The following OSBPL3 variants were observed in gnomAD, a reference collection of about 807,000 sequenced individuals.
The protein encoded by OSBPL3 is oxysterol binding protein like 3.
OSBPL3 carries 65 observed loss-of-function variants against 120.1 expected under a neutral mutation model. The ratio of observed to expected loss-of-function variants is 0.54; its 90% CI spans 0.44 to 0.67. The LOEUF (loss-of-function observed/expected upper bound fraction) is 0.67, where lower values mean the gene tolerates loss of function less well. OSBPL3 is among the 30% of genes least tolerant of loss of function. OSBPL3 has a pLI of 0.00. For missense variants in OSBPL3, 1,004 were observed against 1,082.1 expected, an observed-to-expected ratio of 0.93 and a Z score of 1.01; for synonymous variants, 416 against 402.6, an observed-to-expected ratio of 1.03 and a Z score of -0.40.
At position 24,809,927 on chromosome 7, in the gene OSBPL3, G is replaced by C. The variant is rs758979418; in HGVS notation, c.2197C>G (p.His733Asp). The C allele has an allele frequency of 6.8e-6, 11 of 1,614,094 alleles. No homozygotes were observed. The East Asian group carries it at 2.5e-4, about 36-fold the overall frequency. The change falls in exon 20 of 23, where the codon CAT becomes GAT. Residue 733 changes from histidine (H) to aspartate (D), a missense_variant. By Grantham distance (81) the His-to-Asp change is moderately conservative. Transcript: ENST00000313367. ...TCAAACACTGTGCCTTCAATCTCAT[G>C]GGCATTAGTGCTCCAGTATTTTGCC... ...IKAKYWSTNAHEIEGTVFDRS... is the reference protein window; with the variant it reads ...IKAKYWSTNADEIEGTVFDRS...
chr7:24,819,836 A>G lies in OSBPL3; in HGVS notation c.1948+339T>C, dbSNP rs1289221412. ...AAAATGAAAAGAAGTAAGCAATGTA[A>G]AACACGACTTCAGAAATAAAATTTA... is the stretch of plus-strand genomic sequence containing the variant. On this transcript the variant is annotated intron_variant, in intron 17 of 22. Coordinates refer to ENST00000313367, the MANE Select transcript of OSBPL3 (RefSeq NM_015550.4). This position sits in a 1 kb window ranked among gnomAD's most constrained non-coding sequence, Gnocchi z 4.1. Among the ~76,000 whole-genome samples, 34 of 152,260 alleles carry G rather than the reference A, an allele frequency of 2.2e-4. No individual in the cohort carries two copies. The highest frequency in any genetic ancestry group is 2.2e-3 in the Admixed American group (34 of 15,282).
chr7:24,917,996 G>A (rs1255952160), intron 1 of OSBPL3: 1 of 751,164 alleles, frequency 1.3e-6, no homozygotes, highest in Non-Finnish European at 1.6e-6. Context: ...ATCCTGTCTA[G>A]CTTTCAAATT....
At position 24,968,454 on chromosome 7, in the gene OSBPL3, T is replaced by C. The variant is rs994346298; in HGVS notation, c.-150+11432A>G. On this transcript the variant is annotated intron_variant, in intron 1 of 22. Transcript: ENST00000313367. The surrounding 1 kb of genome is among the most constrained non-coding windows in gnomAD (Gnocchi z 4.6). ...CTCTGTCACCCAGACTGGAGTGCAG[T>C]GGCGTGATCTTGGCTCACTGCAGCC... Among the ~76,000 whole-genome samples the C allele has an allele frequency of 2.0e-5, 3 of 152,228 alleles. No homozygotes were observed. Among genetic ancestry groups the C allele is most frequent in the Admixed American group, 1.3e-4 (2 of 15,288 alleles).
At position 24,922,234 on chromosome 7, in the gene OSBPL3, T is replaced by C. The variant is rs1039816725; in HGVS notation, c.-149-29613A>G. ...GTTAACAAATACAAACTACAAGCAC[T>C]GTACTATCTGGACTGTGTTACAAAA... On this transcript the variant is annotated intron_variant, in intron 1 of 22. Coordinates refer to ENST00000313367, the MANE Select transcript of OSBPL3 (RefSeq NM_015550.4). This position sits in a 1 kb window ranked among gnomAD's most constrained non-coding sequence, Gnocchi z 4.3. 1.3e-5 allele frequency among the ~76,000 whole-genome samples: 2 copies of C among 152,176 alleles called. No homozygotes were observed.
At chr7:24,846,970 G>A (rs1181828294) in intron 12 of OSBPL3, among the ~76,000 whole-genome samples, 1 of 150,002 alleles carries the variant, frequency 6.7e-6, no homozygotes, top group Non-Finnish European at 1.5e-5. Flanking sequence ...GGCTGAGGCA[G>A]AATGGCGTGA....
intron 19 of OSBPL3, among the ~76,000 whole-genome samples, chr7:24,810,513 A>C (rs1231352843): frequency 6.6e-6 from 1 of 152,200 alleles, no homozygotes; most frequent in African/African-American, 2.4e-5. Context: ...ACAAGAGTGA[A>C]GCTCCGTCTC....
chr7:24,840,916 AG>A, intron 13 of OSBPL3, 133 bp from the exon 14 acceptor site: 1 of 547,140 alleles, frequency 1.8e-6, no homozygotes, highest in South Asian at 2.5e-5. Flanking sequence ...GTTTTCATAA[AG>A]GTCCATATAC....
intron 14 of OSBPL3, among the ~76,000 whole-genome samples, chr7:24,836,881 C>G (rs969960363): frequency 6.6e-6 from 1 of 152,166 alleles, no homozygotes; most frequent in Non-Finnish European, 1.5e-5. Context: ...GTTGCCCAGG[C>G]TGGAGTACAG....
Position 24,820,104 on chromosome 7 carries a change from C to T in OSBPL3, c.1948+71G>A. ...TTTTGATCTCAGTAAGAATTGACAG[C>T]AATTCTTGGATAAAATAAATAGATA... On this transcript the variant is annotated intron_variant, in intron 17 of 22. Transcript: ENST00000313367. This position sits in a 1 kb window ranked among gnomAD's most constrained non-coding sequence, Gnocchi z 4.6. 8.8e-7 allele frequency: 1 copy of T among 1,141,694 alleles called. No homozygotes were observed. The highest frequency in any genetic ancestry group is 1.3e-6 in the Non-Finnish European group (1 of 773,744). The allele number at this position is 1,141,694 out of a possible 1,614,324, so 70.7% of individuals were successfully genotyped here.
chr7:24,943,685 C>T (rs1813359658), intron 1 of OSBPL3, among the ~76,000 whole-genome samples: 1 of 152,140 alleles, frequency 6.6e-6, no homozygotes, highest in Non-Finnish European at 1.5e-5. Flanking sequence ...TGAAACAGAT[C>T]AGGCAAGTGG....
At chr7:24,870,120 T>C (rs1801894052) in intron 5 of OSBPL3, among the ~76,000 whole-genome samples, 1 of 152,218 alleles carries the variant, frequency 6.6e-6, no homozygotes, top group African/African-American at 2.4e-5. Context: ...GAGATTAACT[T>C]GCCAAAGTTC....
rs191769832 is a variant in OSBPL3, at chr7:24,834,708, C to T, written c.1524G>A (p.Ala508=). ...GCAGGCACGTTCTTCTCCGGGACTT[C>T]GCTTCCCGACCACTATCAAGGACAG... ...LGPVLDSGRE[A]KSRRRTCLPA... Residue 508 remains alanine, a synonymous_variant, in exon 15 of 23, where the codon GCG becomes GCA. Transcript: ENST00000313367. The surrounding 1 kb of genome is among the most constrained non-coding windows in gnomAD (Gnocchi z 5.2). 1.4e-5 allele frequency: 22 copies of T among 1,612,528 alleles called. No homozygotes were observed. In the East Asian group the frequency reaches 4.2e-4, roughly 31 times the overall value.
chr7:24,959,859 G>A lies in OSBPL3; in HGVS notation c.-150+20027C>T, dbSNP rs892992103. Among the ~76,000 whole-genome samples, 2 of 152,060 alleles carry A rather than the reference G, an allele frequency of 1.3e-5. No individual in the cohort carries two copies. Among genetic ancestry groups the A allele is most frequent in the African/African-American group, 2.4e-5 (1 of 41,420 alleles). On this transcript the variant is annotated intron_variant, in intron 1 of 22. Transcript: ENST00000313367. This position sits in a 1 kb window ranked among gnomAD's most constrained non-coding sequence, Gnocchi z 4.3. ...ACCAAAGAGCCTACCACTGAAAACC[G>A]AACTTGAACAAAAAAGAATTTTCTA...
At chr7:24,977,250 CA>C (rs1164244127) in intron 1 of OSBPL3, among the ~76,000 whole-genome samples, 2 of 152,116 alleles carry the variant, frequency 1.3e-5, no homozygotes, top group African/African-American at 4.8e-5. Flanking sequence ...CTATCAGGCC[CA>C]CAAACCATAA....
In OSBPL3 at chr7:24,837,127, G is replaced by A. The variant is rs59512946; in HGVS notation, c.1496-2391C>T. Among the ~76,000 whole-genome samples, 314 of 152,252 alleles carry A rather than the reference G, an allele frequency of 2.1e-3. 3 individuals are homozygous for A. The highest frequency in any genetic ancestry group is 7.4e-3 in the African/African-American group (306 of 41,538). ...TGGGATTACAGGCGTGAGCCACCAC[G>A]CCCAGCCTGTTTTAGTTGCTTAATA... On this transcript the variant is annotated intron_variant, in intron 14 of 22. Transcript: ENST00000313367.
chr7:24,884,081 ACAG>A (rs61678836), intron 2 of OSBPL3, among the ~76,000 whole-genome samples: 31,155 of 142,448 alleles, frequency 0.22, 3,899 homozygotes, highest in African/African-American at 0.37. Context: ...ACAAACAACA[ACAG>A]CAACAACAAA....
In OSBPL3 at chr7:24,877,939, G is replaced by C. The variant is rs1453729818; in HGVS notation, c.97-5870C>G. On this transcript the variant is annotated intron_variant, in intron 2 of 22. Coordinates refer to ENST00000313367, the MANE Select transcript of OSBPL3 (RefSeq NM_015550.4). The surrounding 1 kb of genome is among the most constrained non-coding windows in gnomAD (Gnocchi z 4.8). Reference sequence around the variant, plus strand: ...AGCTTAAAGGTCACCATGAATACCAGGTGGAGAGAGAAACATGGGAGGGGT... The same window carrying C: ...AGCTTAAAGGTCACCATGAATACCACGTGGAGAGAGAAACATGGGAGGGGT... Among the ~76,000 whole-genome samples, 1 of 152,196 alleles carries C rather than the reference G, an allele frequency of 6.6e-6. No homozygotes were observed. Among genetic ancestry groups the C allele is most frequent in the Non-Finnish European group, 1.5e-5 (1 of 68,040 alleles).
At chr7:24,875,040 G>A (rs1187821975) in intron 2 of OSBPL3, among the ~76,000 whole-genome samples, 1 of 152,212 alleles carries the variant, frequency 6.6e-6, no homozygotes, top group Non-Finnish European at 1.5e-5. Context: ...AATGTTAGAT[G>A]TCCCACAATG....
rs163 is a variant in OSBPL3, at chr7:24,965,555, C to G, written c.-150+14331G>C. 0.13 allele frequency among the ~76,000 whole-genome samples: 20,043 copies of G among 152,122 alleles called. 1,449 individuals carry two copies. Among genetic ancestry groups the G allele is most frequent in the East Asian group, 0.18 (938 of 5,188 alleles). Reference sequence around the variant, plus strand: ...GGCTGGTTAAGACTTGGTCTTCTGCCTGCTGAACCAATGCTTGGATTTGCT... The same window carrying G: ...GGCTGGTTAAGACTTGGTCTTCTGCGTGCTGAACCAATGCTTGGATTTGCT... On this transcript the variant is annotated intron_variant, in intron 1 of 22. Transcript: ENST00000313367. This position sits in a 1 kb window ranked among gnomAD's most constrained non-coding sequence, Gnocchi z 4.3.
Sources: allele counts gnomAD v4.1 joint callset (sites outside exome capture counted in the v4.1 genomes callset), GRCh38; gene constraint gnomAD v4.1.1; non-coding constraint Gnocchi (gnomAD v3.1); transcripts MANE v1.5; gene names NCBI Gene and HGNC (gene_info 2026-07-23, HGNC 2026-07-21).